HS3ST4: variants seen among roughly 807,000 people sequenced by gnomAD.
HS3ST4 encodes the protein heparan sulfate glucosamine 3-O-sulfotransferase 4.
HS3ST4 carries 17 observed loss-of-function variants against 29.2 expected under a neutral mutation model. The ratio of observed to expected loss-of-function variants is 0.58; its 90% CI spans 0.40 to 0.87. The LOEUF (loss-of-function observed/expected upper bound fraction) is 0.87. Among genes scored for constraint, HS3ST4 ranks in the 40% least tolerant of loss-of-function variants. HS3ST4 has a pLI of 0.00. For missense variants in HS3ST4, 627 were observed against 634.5 expected (o/e 0.99, Z 0.13); for synonymous variants, 314 against 285.7 (o/e 1.10, Z -1.00).
chr16:25,902,882 G>A (rs911948221), intron 1 of HS3ST4, among the ~76,000 whole-genome samples: 11 of 151,944 alleles, frequency 7.2e-5, no homozygotes, highest in African/African-American at 1.2e-4. Context: ...TGGATTGCTC[G>A]AGCCCAGGAG....
At position 25,878,600 on chromosome 16, in the gene HS3ST4, G is replaced by T. The variant is rs533376706; in HGVS notation, c.734+185449G>T. Among the ~76,000 whole-genome samples, 6 of 152,256 alleles carry T rather than the reference G, an allele frequency of 3.9e-5. No homozygotes were observed. In the East Asian group the frequency reaches 1.2e-3, roughly 29 times the overall value. On this transcript the variant is annotated intron_variant, in intron 1 of 1. Coordinates refer to ENST00000331351, the MANE Select transcript of HS3ST4 (RefSeq NM_006040.3). ...CTTGTAGGGAATGAAAACAAGCCAGGTGCATTTGCACCTGCTTCCCCATTA... is the reference window on the plus strand; with the variant it reads ...CTTGTAGGGAATGAAAACAAGCCAGTTGCATTTGCACCTGCTTCCCCATTA...
chr16:25,975,597 C>A lies in HS3ST4; in HGVS notation c.735-160015C>A, dbSNP rs147867556. ...GAAAAGAAAAATATCCAGATGACGT[C>A]TTTCCATCATAACCTCACTGGTCTG... On this transcript the variant is annotated intron_variant, in intron 1 of 1. Transcript: ENST00000331351. 1.1e-3 allele frequency among the ~76,000 whole-genome samples: 165 copies of A among 152,294 alleles called. 1 individual carries two copies. The highest frequency in any genetic ancestry group is 3.8e-3 in the African/African-American group (158 of 41,564).
intron 1 of HS3ST4, among the ~76,000 whole-genome samples, chr16:25,780,987 T>A (rs1966852072): frequency 6.6e-6 from 1 of 152,170 alleles, no homozygotes; most frequent in South Asian, 2.1e-4. Context: ...CCCAGGAAGT[T>A]GCAAAACACA....
intron 1 of HS3ST4, among the ~76,000 whole-genome samples, chr16:25,845,474 A>C (rs1347417841): frequency 6.6e-6 from 1 of 152,164 alleles, no homozygotes; most frequent in Non-Finnish European, 1.5e-5. Context: ...GTGCCACTGC[A>C]CTTCAGCCTG....
intron 1 of HS3ST4, among the ~76,000 whole-genome samples, chr16:26,120,171 T>A (rs988676396): frequency 6.6e-6 from 1 of 152,154 alleles, no homozygotes; most frequent in Admixed American, 6.5e-5. Flanking sequence ...TAGCAGAGTG[T>A]GTAGGTATGT....
chr16:25,928,602 C>T lies in HS3ST4; in HGVS notation c.735-207010C>T, dbSNP rs543715325. 3.9e-5 allele frequency among the ~76,000 whole-genome samples: 6 copies of T among 152,302 alleles called. No homozygotes were observed. The South Asian group carries it at 1.2e-3, about 32-fold the overall frequency. Reference sequence around the variant, plus strand: ...GATAGAGTACTGTCATCTCAGTAGCCTCAAAATCTCCCCTCAGATGTGCCC... The same window carrying T: ...GATAGAGTACTGTCATCTCAGTAGCTTCAAAATCTCCCCTCAGATGTGCCC... On this transcript the variant is annotated intron_variant, in intron 1 of 1. Coordinates refer to ENST00000331351, the MANE Select transcript of HS3ST4 (RefSeq NM_006040.3).
At chr16:26,113,237 G>A (rs1567314973) in intron 1 of HS3ST4, among the ~76,000 whole-genome samples, 1 of 152,054 alleles carries the variant, frequency 6.6e-6, no homozygotes, top group Non-Finnish European at 1.5e-5. Context: ...CAACATATAG[G>A]AGTTCAAGAC....
intron 1 of HS3ST4, among the ~76,000 whole-genome samples, chr16:25,967,222 T>G (rs1228369912): frequency 1.3e-5 from 2 of 152,182 alleles, no homozygotes; most frequent in Non-Finnish European, 2.9e-5. Context: ...GGTGCAATCT[T>G]GGCTCACTGC....
chr16:25,748,446 TCCCAC>T (rs1966698597), intron 1 of HS3ST4, among the ~76,000 whole-genome samples: 1 of 152,084 alleles, frequency 6.6e-6, no homozygotes, highest in Non-Finnish European at 1.5e-5. Context: ...GCTCCTACCT[TCCCAC>T]CCCCACACCT....
chr16:25,842,803 G>A (rs927160509), intron 1 of HS3ST4, among the ~76,000 whole-genome samples: 11 of 152,150 alleles, frequency 7.2e-5, no homozygotes, highest in African/African-American at 1.9e-4. Flanking sequence ...GTGTGCAGAT[G>A]TACTGGCTCC....
At chr16:25,954,286 A>C (rs944136349) in intron 1 of HS3ST4, among the ~76,000 whole-genome samples, 2 of 152,210 alleles carry the variant, frequency 1.3e-5, no homozygotes, top group Non-Finnish European at 2.9e-5. Flanking sequence ...GCTGCATCAC[A>C]TAGTAATAAT....
intron 1 of HS3ST4, among the ~76,000 whole-genome samples, chr16:26,014,822 C>T (rs1432620454): frequency 6.6e-6 from 1 of 152,134 alleles, no homozygotes; most frequent in Non-Finnish European, 1.5e-5. Flanking sequence ...ACTGAAGTGA[C>T]TTTACCATCA....
At chr16:25,821,642 C>T (rs921720886) in intron 1 of HS3ST4, among the ~76,000 whole-genome samples, 7 of 151,992 alleles carry the variant, frequency 4.6e-5, no homozygotes, top group South Asian at 4.1e-4. Context: ...GAAAGGCTTT[C>T]GCTGCTGGGC....
intron 1 of HS3ST4, among the ~76,000 whole-genome samples, chr16:25,866,004 G>A (rs1967690761): frequency 6.6e-6 from 1 of 152,170 alleles, no homozygotes; most frequent in African/African-American, 2.4e-5. Context: ...CTTCTGCACA[G>A]CCAAGAAAAT....
chr16:26,066,059 A>G (rs567634316), intron 1 of HS3ST4, among the ~76,000 whole-genome samples: 2 of 152,346 alleles, frequency 1.3e-5, no homozygotes, highest in Admixed American at 6.5e-5. Context: ...TGCCCGTTGT[A>G]TGATATGCCA....
At chr16:25,914,833 C>G (rs1334698409) in intron 1 of HS3ST4, among the ~76,000 whole-genome samples, 1 of 151,542 alleles carries the variant, frequency 6.6e-6, no homozygotes, top group Non-Finnish European at 1.5e-5. Flanking sequence ...CCTGGAGGCT[C>G]ATGAAGGAAA....
chr16:25,985,806 C>T (rs929845865), intron 1 of HS3ST4, among the ~76,000 whole-genome samples: 1 of 152,130 alleles, frequency 6.6e-6, no homozygotes, highest in African/African-American at 2.4e-5. Flanking sequence ...CCACCTCTGC[C>T]TCTCAATTAC....
chr16:26,029,561 C>T (rs971964020), intron 1 of HS3ST4, among the ~76,000 whole-genome samples: 3 of 152,044 alleles, frequency 2.0e-5, no homozygotes, highest in Admixed American at 6.5e-5. Context: ...TACAGGCATG[C>T]GCCACCATGC....
At chr16:25,711,183 G>A (rs1313356827) in intron 1 of HS3ST4, among the ~76,000 whole-genome samples, 6 of 151,948 alleles carry the variant, frequency 3.9e-5, no homozygotes, top group East Asian at 1.9e-4. Context: ...AGACTTTGGC[G>A]ATGTCTACTT....
Sources: gnomAD v4.1 joint callset for allele counts (sites outside exome capture counted in the v4.1 genomes callset) on GRCh38, gnomAD v4.1.1 for gene constraint, MANE v1.5 for transcripts, NCBI Gene and HGNC (gene_info 2026-07-23, HGNC 2026-07-21) for gene names.